Variants in MAP7 observed in about 807,000 individuals in gnomAD.
MAP7 encodes the protein microtubule associated protein 7.
MAP7 carries 52 observed loss-of-function variants against 94.8 expected under a neutral mutation model. That is an observed-to-expected ratio of 0.55 (90% CI 0.44 to 0.69). The LOEUF (loss-of-function observed/expected upper bound fraction) is 0.69. MAP7 is among the 30% of genes least tolerant of loss of function. The probability of loss-of-function intolerance (pLI) is 0.00; values close to 1 mark genes in which losing one functional copy is unlikely to be tolerated. For synonymous variants in MAP7, 350 were observed against 357.0 expected, an observed-to-expected ratio of 0.98 and a Z score of 0.22; for missense variants, 940 against 964.6, an observed-to-expected ratio of 0.97 and a Z score of 0.34.
chr6:136,504,961 T>G (rs1029226973), intron 1 of MAP7, among the ~76,000 whole-genome samples: 127 of 152,218 alleles, frequency 8.3e-4, no homozygotes, highest in Non-Finnish European at 1.4e-3. Flanking sequence ...ATTACAGGCA[T>G]GAGCCACCAT....
At chr6:136,358,785 A>G (rs1278560784) in intron 15 of MAP7, among the ~76,000 whole-genome samples, 1 of 152,172 alleles carries the variant, frequency 6.6e-6, no homozygotes, top group Non-Finnish European at 1.5e-5. Context: ...GACAATGATG[A>G]GCTATCTACT....
intron 1 of MAP7, among the ~76,000 whole-genome samples, chr6:136,531,951 T>C (rs1478233278): frequency 6.6e-6 from 1 of 152,026 alleles, no homozygotes; most frequent in Non-Finnish European, 1.5e-5. Flanking sequence ...TCCAAAATGA[T>C]CTCAAAGAAT....
At chr6:136,349,768 G>T (rs1364134672) in intron 16 of MAP7, among the ~76,000 whole-genome samples, 3 of 152,140 alleles carry the variant, frequency 2.0e-5, no homozygotes, top group Admixed American at 6.5e-5. Context: ...AACCTGTCAG[G>T]GGGAAAAGAG....
At chr6:136,490,533 ATTAAG>A (rs1816249514) in intron 1 of MAP7, among the ~76,000 whole-genome samples, 1 of 152,182 alleles carries the variant, frequency 6.6e-6, no homozygotes, top group Non-Finnish European at 1.5e-5. Flanking sequence ...CACTCTAATT[ATTAAG>A]TTGACTACAA....
intron 3 of MAP7, among the ~76,000 whole-genome samples, chr6:136,398,398 T>A (rs1783110328): frequency 1.3e-5 from 2 of 152,234 alleles, no homozygotes; most frequent in African/African-American, 4.8e-5. Context: ...TAAATGCAGA[T>A]AATGACAGCC....
rs960125875 is a variant in MAP7 at position 136,366,437 on chromosome 6, G to C, written c.879C>G (p.Ser293Arg). Residue 293 changes from serine to arginine, a missense_variant and splice_region_variant, in exon 9 of 18, where the codon AGC becomes AGG. Coordinates refer to ENST00000354570, the MANE Select transcript of MAP7 (RefSeq NM_003980.6). ...SRRRIIHGTA[S>R]YKKERERENV... ...TTTCTCTCTCTCTTTCTTTTTTATAGCTCTAAGTTCAGAGAAACTCAATAG... is the reference window on the plus strand; with the variant it reads ...TTTCTCTCTCTCTTTCTTTTTTATACCTCTAAGTTCAGAGAAACTCAATAG... The C allele has an allele frequency of 6.2e-7, 1 of 1,604,076 alleles. No individual in the cohort carries two copies. Among genetic ancestry groups the C allele is most frequent in the East Asian group, 2.2e-5 (1 of 44,830 alleles).
At chr6:136,422,768 T>A (rs867751995) in intron 1 of MAP7, among the ~76,000 whole-genome samples, 1 of 152,352 alleles carries the variant, frequency 6.6e-6, no homozygotes. Flanking sequence ...GGTCTAAGAT[T>A]ATATATTGCT....
chr6:136,414,456 T>A (rs1472499414), intron 2 of MAP7, among the ~76,000 whole-genome samples: 1 of 151,906 alleles, frequency 6.6e-6, no homozygotes, highest in Non-Finnish European at 1.5e-5. Flanking sequence ...TCAGGCAATT[T>A]ATTAAGGGCT....
intron 3 of MAP7, among the ~76,000 whole-genome samples, chr6:136,392,556 A>G (rs1781096477): frequency 6.6e-6 from 1 of 152,012 alleles, no homozygotes; most frequent in Non-Finnish European, 1.5e-5. Flanking sequence ...TAGGTTATCT[A>G]AGTTATTTCC....
chr6:136,447,622 G>GTC (rs1433309923), intron 1 of MAP7, among the ~76,000 whole-genome samples: 3 of 152,066 alleles, frequency 2.0e-5, no homozygotes, highest in African/African-American at 4.8e-5. Context: ...ATGTTAAACT[G>GTC]TAATACTTAA....
chr6:136,379,040 C>T (rs765709529), intron 6 of MAP7, among the ~76,000 whole-genome samples: 3 of 152,144 alleles, frequency 2.0e-5, no homozygotes, highest in African/African-American at 4.8e-5. Context: ...GTCTTTAAAA[C>T]TGTCTACACC....
intron 2 of MAP7, among the ~76,000 whole-genome samples, chr6:136,418,630 G>C (rs1236579873): frequency 3.3e-5 from 5 of 152,202 alleles, no homozygotes; most frequent in Non-Finnish European, 7.3e-5. Context: ...AGGTAAAAGA[G>C]GAAAGAACAT....
intron 10 of MAP7, among the ~76,000 whole-genome samples, chr6:136,363,075 C>G (rs1479478336): frequency 6.6e-6 from 1 of 152,162 alleles, no homozygotes; most frequent in Non-Finnish European, 1.5e-5. Context: ...TTGAAAATTC[C>G]TACTCTTCGG....
At chr6:136,397,179 G>T (rs1316131104) in intron 3 of MAP7, among the ~76,000 whole-genome samples, 1 of 151,932 alleles carries the variant, frequency 6.6e-6, no homozygotes, top group Non-Finnish European at 1.5e-5. Flanking sequence ...CTAAATATAG[G>T]TCATGCAATA....
intron 1 of MAP7, among the ~76,000 whole-genome samples, chr6:136,482,556 G>T (rs886484607): frequency 6.6e-6 from 1 of 151,386 alleles, no homozygotes; most frequent in Non-Finnish European, 1.5e-5. Context: ...AGCCAAGATC[G>T]TGCCACCACA....
intron 1 of MAP7, among the ~76,000 whole-genome samples, chr6:136,451,654 G>A (rs1460008883): frequency 6.6e-6 from 1 of 152,120 alleles, no homozygotes; most frequent in Non-Finnish European, 1.5e-5. Flanking sequence ...ATGGAGCCGA[G>A]CAAAGTAAAT....
intron 3 of MAP7, among the ~76,000 whole-genome samples, chr6:136,390,437 GCAGTCAGGAGTTTGAGAC>G: frequency 1.3e-5 from 2 of 152,288 alleles, no homozygotes; most frequent in Admixed American, 1.3e-4. Flanking sequence ...CAGATCACTG[GCAGTCAGGAGTTTGAGAC>G]CAGTCTGGCC....
Position 136,467,022 on chromosome 6 carries a change from G to A in MAP7, c.68-45223C>T, listed in dbSNP as rs192838832. 759 of 749,946 alleles carry A rather than the reference G, an allele frequency of 1.0e-3. 6 individuals carry two copies. In the African/African-American group the frequency reaches 0.012, roughly 12 times the overall value. The allele number at this position is 749,946 out of a possible 1,614,324, so 46.5% of individuals were successfully genotyped here. A position where few individuals can be genotyped will look rare whatever the true frequency, so the allele number is the denominator to read the frequency against. On this transcript the variant is annotated intron_variant, in intron 1 of 17. Transcript: ENST00000354570. ...TGTTCACTGAACCAAGCAAAAACTG[G>A]GAAATGCTTCTGTTCAAAAAAGCCA...
intron 6 of MAP7, among the ~76,000 whole-genome samples, chr6:136,381,424 C>T (rs912962368): frequency 6.6e-6 from 1 of 152,084 alleles, no homozygotes; most frequent in Non-Finnish European, 1.5e-5. Context: ...AAATGATTCA[C>T]CCACTTTGGC....
Sources: allele counts gnomAD v4.1 joint callset (sites outside exome capture counted in the v4.1 genomes callset), GRCh38; gene constraint gnomAD v4.1.1; transcripts MANE v1.5; gene names NCBI Gene and HGNC (gene_info 2026-07-23, HGNC 2026-07-21).